Variants in IQSEC1 observed in about 807,000 individuals in gnomAD.
The protein encoded by IQSEC1 is IQ motif and Sec7 domain ArfGEF 1.
Under a neutral mutation model 91.0 loss-of-function variants are expected in IQSEC1, and 31 were observed. The ratio of observed to expected loss-of-function variants is 0.34; its 90% CI spans 0.26 to 0.46. The LOEUF (loss-of-function observed/expected upper bound fraction) is 0.46. Among genes scored for constraint, IQSEC1 ranks in the 20% least tolerant of loss-of-function variants. The pLI is 1.00. For missense variants in IQSEC1, 1,388 were observed against 1,575.6 expected, an observed-to-expected ratio of 0.88 and a Z score of 2.02; for synonymous variants, 699 against 662.6, an observed-to-expected ratio of 1.05 and a Z score of -0.84.
At chr3:13,087,753 T>C (rs942944453) in intron 2 of IQSEC1, among the ~76,000 whole-genome samples, 1 of 152,166 alleles carries the variant, frequency 6.6e-6, no homozygotes, top group African/African-American at 2.4e-5. Context: ...TATTGCTCAG[T>C]TCTGGAGGCT....
chr3:13,093,539 G>A (rs1705903790), intron 2 of IQSEC1, among the ~76,000 whole-genome samples: 1 of 152,164 alleles, frequency 6.6e-6, no homozygotes, highest in Non-Finnish European at 1.5e-5. Context: ...AGGAACTGGG[G>A]AGGCAGGGCT....
intron 1 of IQSEC1, among the ~76,000 whole-genome samples, chr3:13,272,479 T>C (rs537780591): frequency 6.6e-6 from 1 of 152,232 alleles, no homozygotes; most frequent in East Asian, 1.9e-4. Context: ...GGAAAGTTGG[T>C]GGTGGTGAAG....
intron 1 of IQSEC1, among the ~76,000 whole-genome samples, chr3:13,034,164 C>T (rs11921291): frequency 0.012 from 1,890 of 152,156 alleles, 29 homozygotes; most frequent in African/African-American, 0.041. Flanking sequence ...CCCTGCCAGG[C>T]GAAGGGCTCA....
At chr3:13,077,441 T>C (rs1010611390), upstream of IQSEC1, among the ~76,000 whole-genome samples, 3 of 152,202 alleles carry the variant, frequency 2.0e-5, no homozygotes, top group African/African-American at 7.2e-5. Context: ...CTTGTGCACG[T>C]TTTTAAACTT....
chr3:13,137,669 G>T (rs968075567), intron 2 of IQSEC1, among the ~76,000 whole-genome samples: 1 of 152,104 alleles, frequency 6.6e-6, no homozygotes, highest in African/African-American at 2.4e-5. Flanking sequence ...CCTTTGAAAT[G>T]CACAAAGAAG....
At position 13,008,364 on chromosome 3, in the gene IQSEC1, G is replaced by A. The variant is rs1428385579; in HGVS notation, c.23+64628C>T. Among the ~76,000 whole-genome samples, 1 of 152,184 alleles carries A rather than the reference G, an allele frequency of 6.6e-6. No individual in the cohort carries two copies. The highest frequency in any genetic ancestry group is 1.5e-5 in the Non-Finnish European group (1 of 68,042). On this transcript the variant is annotated intron_variant, in intron 1 of 13. Coordinates refer to ENST00000613206, the MANE Select transcript of IQSEC1 (RefSeq NM_001134382.3). This position sits in a 1 kb window ranked among gnomAD's most constrained non-coding sequence, Gnocchi z 4.1. ...ACCAGTGACCGTCAGGCTGTCCACT[G>A]TCCAACCCAGACGTCCTCTCTGAGA...
intron 1 of IQSEC1, among the ~76,000 whole-genome samples, chr3:13,036,821 A>G (rs560488417): frequency 6.6e-6 from 1 of 152,344 alleles, no homozygotes; most frequent in Non-Finnish European, 1.5e-5. Context: ...AACAGAAGCA[A>G]TCTGTGAAAC....
At chr3:12,937,051 A>G (rs1280622228) in intron 2 of IQSEC1, among the ~76,000 whole-genome samples, 11 of 149,732 alleles carry the variant, frequency 7.3e-5, no homozygotes, top group Admixed American at 6.7e-4. Flanking sequence ...TCCTGCCTCA[A>G]CCTCCCGAGT....
intron 2 of IQSEC1, among the ~76,000 whole-genome samples, chr3:13,121,275 T>C (rs932007988): frequency 1.3e-5 from 2 of 152,194 alleles, no homozygotes; most frequent in African/African-American, 4.8e-5. Context: ...TCTGGCCCTT[T>C]ACAGAAAAAG....
intron 1 of IQSEC1, among the ~76,000 whole-genome samples, chr3:13,066,986 C>T (rs1272071230): frequency 7.2e-5 from 11 of 152,248 alleles, no homozygotes; most frequent in Admixed American, 5.9e-4. Flanking sequence ...ACTCCTCCCA[C>T]TCCCAGTCCC....
intron 1 of IQSEC1, among the ~76,000 whole-genome samples, chr3:13,269,952 C>G (rs1347916697): frequency 1.3e-5 from 2 of 152,222 alleles, no homozygotes; most frequent in African/African-American, 4.8e-5. Flanking sequence ...CACAAGAAGC[C>G]TCACATTTCC....
At position 12,967,743 on chromosome 3, in the gene IQSEC1, G is replaced by A. The variant is rs932985325; in HGVS notation, c.24-25878C>T. Reference sequence around the variant, plus strand: ...GTGGCCCTGAAGTGGGCGGGGCAGGGCGGGGGCGGGGCCGGAGGGCGAGCT... The same window carrying A: ...GTGGCCCTGAAGTGGGCGGGGCAGGACGGGGGCGGGGCCGGAGGGCGAGCT... On this transcript the variant is annotated intron_variant, in intron 1 of 13. Coordinates refer to ENST00000613206, the MANE Select transcript of IQSEC1 (RefSeq NM_001134382.3). The surrounding 1 kb of genome is among the most constrained non-coding windows in gnomAD (Gnocchi z 5.9). 6.7e-6 allele frequency: 7 copies of A among 1,044,658 alleles called. No homozygotes were observed. The highest frequency in any genetic ancestry group is 6.9e-6 in the Non-Finnish European group (6 of 868,216). The allele number at this position is 1,044,658 out of a possible 1,614,324, so 64.7% of individuals were successfully genotyped here.
At chr3:13,252,930 C>T (rs1695222417) in intron 1 of IQSEC1, among the ~76,000 whole-genome samples, 1 of 152,154 alleles carries the variant, frequency 6.6e-6, no homozygotes, top group Non-Finnish European at 1.5e-5. Context: ...GACGGAGTTT[C>T]ACCTTGTTAG....
chr3:13,157,756 A>C (rs1029142539), intron 2 of IQSEC1, among the ~76,000 whole-genome samples: 4 of 152,226 alleles, frequency 2.6e-5, no homozygotes, highest in African/African-American at 9.6e-5. Flanking sequence ...CAGGATTCTG[A>C]GCAGCCGCGT....
chr3:13,094,301 A>G (rs566507648), intron 2 of IQSEC1, among the ~76,000 whole-genome samples: 1 of 152,296 alleles, frequency 6.6e-6, no homozygotes, highest in Non-Finnish European at 1.5e-5. Context: ...TAACACAGGA[A>G]GATGAGTGAT....
intron 2 of IQSEC1, among the ~76,000 whole-genome samples, chr3:13,093,827 C>A (rs1047168247): frequency 6.6e-6 from 1 of 152,202 alleles, no homozygotes; most frequent in Non-Finnish European, 1.5e-5. Context: ...TCCCCCTGTC[C>A]GTTCTCAGCA....
intron 1 of IQSEC1, among the ~76,000 whole-genome samples, chr3:13,068,557 C>T (rs1705313259): frequency 6.6e-6 from 1 of 152,190 alleles, no homozygotes; most frequent in African/African-American, 2.4e-5. Context: ...GTCTTTTCTT[C>T]ATATCTTTAG....
At chr3:13,220,188 C>T (rs913606800) in intron 1 of IQSEC1, among the ~76,000 whole-genome samples, 6 of 152,216 alleles carry the variant, frequency 3.9e-5, no homozygotes, top group Non-Finnish European at 5.9e-5. Context: ...CGGCAGTGGC[C>T]GGGCCAGGTG....
At chr3:13,184,809 G>C (rs1378991322) in intron 1 of IQSEC1, among the ~76,000 whole-genome samples, 1 of 152,216 alleles carries the variant, frequency 6.6e-6, no homozygotes, top group Non-Finnish European at 1.5e-5. Context: ...GCCATGGCCA[G>C]TTGGGAATTG....
Sources: gnomAD v4.1 joint callset for allele counts (sites outside exome capture counted in the v4.1 genomes callset) on GRCh38, gnomAD v4.1.1 for gene constraint, Gnocchi (gnomAD v3.1) non-coding constraint, MANE v1.5 for transcripts, NCBI Gene and HGNC (gene_info 2026-07-23, HGNC 2026-07-21) for gene names.